Variants in SEMA6D observed in about 807,000 individuals in gnomAD.
SEMA6D encodes the protein semaphorin 6D.
A neutral mutation model predicts 106.6 loss-of-function variants in SEMA6D; 35 were observed. The observed-to-expected ratio is 0.33, with a 90% CI of 0.25 to 0.44. The LOEUF is 0.44. Among genes scored for constraint, SEMA6D ranks in the 20% least tolerant of loss-of-function variants. SEMA6D has a pLI of 1.00. For missense variants in SEMA6D, 1,185 were observed against 1,345.9 expected (o/e 0.88, Z 1.87); for synonymous variants, 499 against 487.7 (o/e 1.02, Z -0.31).
intron 1 of SEMA6D, among the ~76,000 whole-genome samples, chr15:47,336,061 A>G (rs955659766): frequency 1.3e-5 from 2 of 152,224 alleles, no homozygotes; most frequent in Non-Finnish European, 2.9e-5. Context: ...CAAAAGGGCT[A>G]GTGTCCTTCG....
At chr15:47,540,040 T>G (rs2045305934) in intron 3 of SEMA6D, among the ~76,000 whole-genome samples, 1 of 126,622 alleles carries the variant, frequency 7.9e-6, no homozygotes, top group Non-Finnish European at 1.6e-5. Flanking sequence ...ACTTTTATAT[T>G]TAGCTGTGTG....
At chr15:47,463,136 ACCAGGATCTAAAT>A (rs1348616765) in intron 2 of SEMA6D, among the ~76,000 whole-genome samples, 1 of 152,122 alleles carries the variant, frequency 6.6e-6, no homozygotes, top group African/African-American at 2.4e-5. Context: ...AACAAAAACA[ACCAGGATCTAAAT>A]CCACCTAGTT....
intron 2 of SEMA6D, among the ~76,000 whole-genome samples, chr15:47,417,465 C>T (rs947099654): frequency 1.3e-5 from 2 of 150,612 alleles, no homozygotes; most frequent in African/African-American, 2.4e-5. Context: ...GAGAGAATAT[C>T]AATGTCTGAG....
At chr15:47,648,059 C>T (rs190435436) in intron 4 of SEMA6D, among the ~76,000 whole-genome samples, 13 of 152,246 alleles carry the variant, frequency 8.5e-5, no homozygotes, top group Admixed American at 2.0e-4. Context: ...TATACACCCA[C>T]CTGTGTATTT....
intron 1 of SEMA6D, among the ~76,000 whole-genome samples, chr15:47,213,222 G>C (rs941829962): frequency 6.6e-6 from 1 of 152,138 alleles, no homozygotes; most frequent in African/African-American, 2.4e-5. Context: ...ATTTTGGACC[G>C]CACAAATACA....
intron 1 of SEMA6D, among the ~76,000 whole-genome samples, chr15:47,240,488 A>G (rs557095963): frequency 4.6e-5 from 7 of 152,292 alleles, no homozygotes; most frequent in African/African-American, 1.7e-4. Flanking sequence ...TTCTTCATCT[A>G]TGAAGTCAAG....
intron 1 of SEMA6D, among the ~76,000 whole-genome samples, chr15:47,206,880 A>G (rs1426749417): frequency 6.6e-6 from 1 of 152,164 alleles, no homozygotes; most frequent in Non-Finnish European, 1.5e-5. Flanking sequence ...CCAAAAACCA[A>G]CAAAAGCAAA....
At chr15:47,761,278 A>C (rs114660817) in intron 5 of SEMA6D, 52 bp from the exon 6 acceptor site, 3 of 1,610,188 alleles carry the variant, frequency 1.9e-6, no homozygotes, top group Non-Finnish European at 2.5e-6. Context: ...TTGATACCAC[A>C]GTGCCAGCAT....
chr15:47,589,013 A>G (rs190660896), intron 3 of SEMA6D, among the ~76,000 whole-genome samples: 10 of 152,346 alleles, frequency 6.6e-5, no homozygotes, highest in Non-Finnish European at 8.8e-5. Context: ...CAGACCCCCA[A>G]CAAAGGATTA....
At chr15:47,237,856 G>T (rs1401758202) in intron 1 of SEMA6D, among the ~76,000 whole-genome samples, 1 of 152,082 alleles carries the variant, frequency 6.6e-6, no homozygotes, top group Admixed American at 6.6e-5. Flanking sequence ...TTGGCCCATT[G>T]TCACTGAACT....
At chr15:47,544,561 A>G (rs1596286375) in intron 3 of SEMA6D, among the ~76,000 whole-genome samples, 1 of 152,122 alleles carries the variant, frequency 6.6e-6, no homozygotes. Context: ...TAACCCATTA[A>G]CCTCTAAGGT....
At chr15:47,655,386 C>T (rs931896882) in intron 4 of SEMA6D, among the ~76,000 whole-genome samples, 2 of 152,200 alleles carry the variant, frequency 1.3e-5, no homozygotes, top group Non-Finnish European at 2.9e-5. Context: ...CATAATTTCT[C>T]TCTCCATAAT....
intron 4 of SEMA6D, among the ~76,000 whole-genome samples, chr15:47,639,078 C>G (rs1405371027): frequency 6.6e-6 from 1 of 152,208 alleles, no homozygotes; most frequent in Non-Finnish European, 1.5e-5. Context: ...AGGTGCCCTT[C>G]TGCCTGGGGT....
chr15:47,564,254 A>G (rs1243578926), intron 3 of SEMA6D, among the ~76,000 whole-genome samples: 1 of 152,214 alleles, frequency 6.6e-6, no homozygotes, highest in African/African-American at 2.4e-5. Context: ...GAGAGAAGAA[A>G]TCCCCTCCCT....
At chr15:47,430,267 G>A (rs764353554) in intron 2 of SEMA6D, among the ~76,000 whole-genome samples, 8 of 152,026 alleles carry the variant, frequency 5.3e-5, no homozygotes, top group Non-Finnish European at 7.4e-5. Context: ...CTTTTTGTTA[G>A]CATAGGAATC....
intron 1 of SEMA6D, among the ~76,000 whole-genome samples, chr15:47,243,936 T>C (rs2141819240): frequency 1.3e-5 from 2 of 152,262 alleles, no homozygotes; most frequent in Middle Eastern, 3.4e-3. Flanking sequence ...TTGACAACAG[T>C]CCTTGCATGG....
At chr15:47,506,101 C>T (rs567439247) in intron 3 of SEMA6D, among the ~76,000 whole-genome samples, 17 of 152,152 alleles carry the variant, frequency 1.1e-4, no homozygotes, top group African/African-American at 4.1e-4. Context: ...TGTATCTCAC[C>T]CCTCTTCTCA....
At chr15:47,229,221 C>G (rs2032017734) in intron 1 of SEMA6D, among the ~76,000 whole-genome samples, 1 of 151,954 alleles carries the variant, frequency 6.6e-6, no homozygotes, top group East Asian at 1.9e-4. Flanking sequence ...TTTTCTTTCT[C>G]CACAGATAAA....
At chr15:47,197,595 A>T (rs988287108) in intron 1 of SEMA6D, among the ~76,000 whole-genome samples, 1 of 151,798 alleles carries the variant, frequency 6.6e-6, no homozygotes, top group Admixed American at 6.6e-5. Context: ...ACAATAGTTC[A>T]TTCATAGCCT....
Sources: allele counts gnomAD v4.1 joint callset (sites outside exome capture counted in the v4.1 genomes callset), GRCh38; gene constraint gnomAD v4.1.1; transcripts MANE v1.5; gene names NCBI Gene and HGNC (gene_info 2026-07-23, HGNC 2026-07-21).